Variants in TXNRD1 observed in about 807,000 individuals in gnomAD.
TXNRD1 encodes thioredoxin reductase 1, cytoplasmic.
TXNRD1 carries 57 observed loss-of-function variants against 80.3 expected under a neutral mutation model. The ratio of observed to expected loss-of-function variants is 0.71; its 90% CI spans 0.57 to 0.89. TXNRD1 has a LOEUF of 0.89. TXNRD1 is among the 40% of genes least tolerant of loss of function. The pLI is 0.00. For synonymous variants in TXNRD1, 291 were observed against 285.2 expected (o/e 1.02, Z -0.20); for missense variants, 730 against 803.0 (o/e 0.91, Z 1.10).
chr12:104,247,774 T>A (rs1348749336), intron 1 of TXNRD1, among the ~76,000 whole-genome samples: 1 of 152,196 alleles, frequency 6.6e-6, no homozygotes, highest in African/African-American at 2.4e-5. Context: ...GCCTAATAGT[T>A]GGGTGGTGCC....
Position 104,226,671 on chromosome 12 carries a change from C to T in TXNRD1, c.91+10778C>T, listed in dbSNP as rs944155622. On this transcript the variant is annotated intron_variant, in intron 1 of 16. Coordinates refer to ENST00000525566, the MANE Select transcript of TXNRD1 (RefSeq NM_001093771.3). ...CCAAAGCACCTATGCGCCTTAGTTC[C>T]CTCATTTGCAAAATGAAGTGAATGG... Among the ~76,000 whole-genome samples the T allele has an allele frequency of 2.6e-5, 4 of 152,276 alleles. No individual in the cohort carries two copies. In the East Asian group the frequency reaches 7.7e-4, roughly 29 times the overall value.
Position 104,350,243 on chromosome 12 carries a change from CAA to C in TXNRD1, c.*1825_*1826del, listed in dbSNP as rs2036602490. On this transcript the variant is annotated 3_prime_UTR_variant, in exon 17 of 17. Transcript: ENST00000525566. ...TTGTTACAAATCTTCTGAAAAAAAA[CAA>C]AACAATGTGAAACATTAAAATTAAA... 1 of 150,216 alleles carries C rather than the reference CAA, an allele frequency of 6.7e-6. No individual in the cohort carries two copies. Among genetic ancestry groups the C allele is most frequent in the Non-Finnish European group, 1.5e-5 (1 of 66,630 alleles). 9.3% of individuals were successfully genotyped at this position (150,216 alleles called of 1,614,324 possible).
chr12:104,347,059 C>T (rs907600247), intron 16 of TXNRD1, among the ~76,000 whole-genome samples: 33 of 152,120 alleles, frequency 2.2e-4, no homozygotes, highest in African/African-American at 8.0e-4. Flanking sequence ...TGTGCCGCTG[C>T]ACTCCAGCCT....
At chr12:104,333,771 A>G (rs1006994539) in intron 14 of TXNRD1, among the ~76,000 whole-genome samples, 2 of 151,826 alleles carry the variant, frequency 1.3e-5, no homozygotes, top group African/African-American at 4.8e-5. Flanking sequence ...CATTGCTTTT[A>G]GTGAATAATG....
At chr12:104,325,532 C>T in intron 11 of TXNRD1, 103 bp downstream of exon 11, 1 of 834,510 alleles carries the variant, frequency 1.2e-6, no homozygotes, top group Non-Finnish European at 2.0e-6. Context: ...TCCAAATGTA[C>T]TGGTTCTATG....
At chr12:104,216,895 T>C (rs901655490) in intron 1 of TXNRD1, among the ~76,000 whole-genome samples, 11 of 152,186 alleles carry the variant, frequency 7.2e-5, no homozygotes, top group African/African-American at 2.2e-4. Context: ...AGGCAGCATA[T>C]GGTGAAGGGC....
chr12:104,319,602 G>A lies in TXNRD1; in HGVS notation c.989+17G>A. ...CATCAGCAGGTAAAGGAAAAAAGCA[G>A]GGTGGAAAAGAAAAACCCATTGTGG... On this transcript the variant is annotated intron_variant, in intron 9 of 16. Transcript: ENST00000525566. 6.5e-7 allele frequency: 1 copy of A among 1,546,228 alleles called. No homozygotes were observed. Among genetic ancestry groups the A allele is most frequent in the South Asian group, 1.2e-5 (1 of 83,740 alleles).
At chr12:104,266,441 G>A (rs545504598) in intron 3 of TXNRD1, among the ~76,000 whole-genome samples, 10 of 147,162 alleles carry the variant, frequency 6.8e-5, no homozygotes, top group Non-Finnish European at 1.3e-4. Context: ...TAGGAGAATC[G>A]CTTGAACCCG....
chr12:104,347,389 T>C (rs1236707733), intron 16 of TXNRD1, among the ~76,000 whole-genome samples: 1 of 152,210 alleles, frequency 6.6e-6, no homozygotes, highest in Non-Finnish European at 1.5e-5. Context: ...AGTATTTTTG[T>C]TTTTACGTAC....
At chr12:104,315,248 A>G (rs1484075500) in intron 6 of TXNRD1, among the ~76,000 whole-genome samples, 1 of 152,212 alleles carries the variant, frequency 6.6e-6, no homozygotes, top group Non-Finnish European at 1.5e-5. Context: ...AACCTCCCGA[A>G]CATCATAGCT....
At chr12:104,244,298 T>G (rs1253022394) in intron 1 of TXNRD1, among the ~76,000 whole-genome samples, 1 of 152,146 alleles carries the variant, frequency 6.6e-6, no homozygotes, top group African/African-American at 2.4e-5. Flanking sequence ...TGTCCTGGAG[T>G]GGAAGTGTTT....
At chr12:104,270,937 T>C (rs1311792154) in intron 3 of TXNRD1, among the ~76,000 whole-genome samples, 3 of 151,666 alleles carry the variant, frequency 2.0e-5, no homozygotes, top group Admixed American at 6.6e-5. Context: ...TCACCTGAGG[T>C]CAGGAGTTTG....
At chr12:104,229,148 T>C (rs921948190) in intron 1 of TXNRD1, among the ~76,000 whole-genome samples, 2 of 145,210 alleles carry the variant, frequency 1.4e-5, no homozygotes, top group South Asian at 2.2e-4. Flanking sequence ...ACTTTTCTTT[T>C]TTTTTTTTTT....
intron 16 of TXNRD1, 100 bp from the exon 17 acceptor site, chr12:104,348,253 G>A (rs750396145): frequency 2.8e-5 from 28 of 987,170 alleles, no homozygotes; most frequent in African/African-American, 8.0e-5. Context: ...TTTGGTAGTC[G>A]CCTAAGATGG....
chr12:104,263,226 A>T (rs796984754), intron 3 of TXNRD1, among the ~76,000 whole-genome samples: 2 of 152,156 alleles, frequency 1.3e-5, no homozygotes, highest in Admixed American at 1.3e-4. Flanking sequence ...GTAGGTGGTG[A>T]TATCACCTTC....
chr12:104,251,628 G>A lies in TXNRD1; in HGVS notation c.193G>A (p.Gly65Ser), dbSNP rs768936615. The A allele has an allele frequency of 3.7e-6, 6 of 1,613,626 alleles. No homozygotes were observed. Among genetic ancestry groups the A allele is most frequent in the Non-Finnish European group, 4.2e-6 (5 of 1,179,772 alleles). The change falls in exon 2 of 17, where the codon GGT (glycine) becomes AGT (serine). Residue 65 changes from glycine (G) to serine (S), a missense_variant. Gly to Ser is a moderately conservative substitution (Grantham distance 56, BLOSUM62 0). Coordinates refer to ENST00000525566, the MANE Select transcript of TXNRD1 (RefSeq NM_001093771.3). Reference sequence around the variant, plus strand: ...AGCCCTGCTTCAGGCCTATATAGATGGTCACTCTGTGGTCATCTTCAGTAG... The same window carrying A: ...AGCCCTGCTTCAGGCCTATATAGATAGTCACTCTGTGGTCATCTTCAGTAG... ...SRALLQAYID[G>S]HSVVIFSRST... is the part of the protein sequence containing the mutation.
intron 1 of TXNRD1, among the ~76,000 whole-genome samples, chr12:104,224,428 C>T (rs895399742): frequency 6.6e-6 from 1 of 151,920 alleles, no homozygotes; most frequent in Non-Finnish European, 1.5e-5. Flanking sequence ...CTTGCTCTGT[C>T]CCCAGGCTAG....
At chr12:104,327,447 C>A (rs144888502) in intron 12 of TXNRD1, 68 bp from the exon 13 acceptor site, 3 of 1,485,562 alleles carry the variant, frequency 2.0e-6, no homozygotes, top group African/African-American at 1.4e-5. Flanking sequence ...CCTGAAAAAA[C>A]GGAAGATTTT....
At chr12:104,304,048 C>T (rs775965386) in intron 4 of TXNRD1, 13 of 1,613,730 alleles carry the variant, frequency 8.1e-6, no homozygotes, top group Non-Finnish European at 9.3e-6. Flanking sequence ...AGAAGTGCCG[C>T]AGCATCCGCA....
Sources: gnomAD v4.1 joint callset for allele counts (sites outside exome capture counted in the v4.1 genomes callset) on GRCh38, gnomAD v4.1.1 for gene constraint, MANE v1.5 for transcripts, NCBI Gene and HGNC (gene_info 2026-07-23, HGNC 2026-07-21) for gene names.